The following MFF variants were observed in gnomAD, a reference collection of about 807,000 sequenced individuals.
The protein encoded by MFF is mitochondrial fission factor.
Under a neutral mutation model 36.9 loss-of-function variants are expected in MFF, and 12 were observed. The observed-to-expected ratio is 0.33, with a 90% CI of 0.21 to 0.53. MFF has a LOEUF of 0.53. MFF is among the 20% of genes least tolerant of loss of function. The probability of loss-of-function intolerance (pLI) is 0.95; values close to 1 mark genes in which losing one functional copy is unlikely to be tolerated. For synonymous variants in MFF, 99 were observed against 126.2 expected (o/e 0.78, Z 1.44); for missense variants, 348 against 366.6 (o/e 0.95, Z 0.42).
intron 5 of MFF, chr2:227,342,685 T>C: frequency 7.3e-7 from 1 of 1,361,506 alleles, no homozygotes; most frequent in Admixed American, 1.8e-5. Context: ...AAATCAGATC[T>C]AGCTTTTTCT....
At chr2:227,348,693 A>G (rs1574977509) in intron 6 of MFF, among the ~76,000 whole-genome samples, 1 of 152,178 alleles carries the variant, frequency 6.6e-6, no homozygotes, top group Non-Finnish European at 1.5e-5. Flanking sequence ...ACCCCACTAC[A>G]TAGCTGCATG....
chr2:227,348,548 C>A (rs1446110687), intron 6 of MFF, among the ~76,000 whole-genome samples: 4 of 151,956 alleles, frequency 2.6e-5, no homozygotes, highest in African/African-American at 9.7e-5. Context: ...TTGTTTTTCC[C>A]CAAGGGTTTA....
intron 5 of MFF, chr2:227,342,720 A>G: frequency 6.3e-7 from 1 of 1,585,398 alleles, no homozygotes; most frequent in Non-Finnish European, 8.6e-7. Context: ...CTGAATATGT[A>G]AAAGAAGCAT....
chr2:227,334,718 T>G (rs912827267), intron 4 of MFF, among the ~76,000 whole-genome samples: 1 of 152,170 alleles, frequency 6.6e-6, no homozygotes, highest in East Asian at 1.9e-4. Flanking sequence ...ACATTTGTGA[T>G]CTCTATCTAC....
intron 6 of MFF, among the ~76,000 whole-genome samples, 154 bp downstream of exon 6, chr2:227,347,538 G>A (rs1195441333): frequency 2.0e-5 from 3 of 152,062 alleles, no homozygotes; most frequent in Non-Finnish European, 4.4e-5. Context: ...CTTTTAATTT[G>A]AAATTATTGT....
At chr2:227,353,390 T>C (rs2076098417) in intron 7 of MFF, among the ~76,000 whole-genome samples, 1 of 152,222 alleles carries the variant, frequency 6.6e-6, no homozygotes, top group Admixed American at 6.5e-5. Flanking sequence ...GCATCGTTTC[T>C]GTGCTTAGAA....
intron 6 of MFF, 37 bp downstream of exon 6, chr2:227,347,421 C>A: frequency 6.2e-7 from 1 of 1,604,504 alleles, no homozygotes; most frequent in Non-Finnish European, 8.5e-7. Context: ...AGCTTTATTG[C>A]ATATTTTTTG....
At chr2:227,332,046 A>G (rs1488554634) in intron 3 of MFF, among the ~76,000 whole-genome samples, 5 of 126,878 alleles carry the variant, frequency 3.9e-5, no homozygotes, top group Non-Finnish European at 7.8e-5. Context: ...ATCTCGGCTC[A>G]CTGCAAGCTC....
intron 5 of MFF, among the ~76,000 whole-genome samples, chr2:227,342,404 G>GAAA (rs988082419): frequency 6.6e-6 from 1 of 151,952 alleles, no homozygotes; most frequent in Non-Finnish European, 1.5e-5. Flanking sequence ...ACGTAGTGAG[G>GAAA]AAAAAACAAT....
rs572787657 is a variant in MFF, at chr2:227,331,959, A to ATATTTTTTTT, written c.182-459_182-458insATTTTTTTTT. Among the ~76,000 whole-genome samples, 29 of 76,842 alleles carry ATATTTTTTTT rather than the reference A, an allele frequency of 3.8e-4. 6 individuals are homozygous for ATATTTTTTTT. Among genetic ancestry groups the ATATTTTTTTT allele is most frequent in the South Asian group, 1.0e-3 (2 of 1,984 alleles). 50.4% of individuals were successfully genotyped at this position (76,842 alleles called of 152,430 possible). ...AGTGAAATGTCAATACGCTGGAAGC[A>ATATTTTTTTT]TTTTTTTTTTTTTTTTTTTTTTTTT... On this transcript the variant is annotated intron_variant, in intron 3 of 8. Transcript: ENST00000304593.
Position 227,357,171 on chromosome 2 carries a change from T to C in MFF, c.*54T>C. 1 of 1,576,566 alleles carries C rather than the reference T, an allele frequency of 6.3e-7. No individual in the cohort carries two copies. Among genetic ancestry groups the C allele is most frequent in the Non-Finnish European group, 8.6e-7 (1 of 1,161,168 alleles). ...CTCAACAGCTGGAAATATAAAAGAT[T>C]TGCAAACTTCTTTGTTTCTGTCTCT... On this transcript the variant is annotated 3_prime_UTR_variant, in exon 9 of 9. Transcript: ENST00000304593.
At chr2:227,342,009 T>A (rs1432156429) in intron 5 of MFF, among the ~76,000 whole-genome samples, 1 of 152,170 alleles carries the variant, frequency 6.6e-6, no homozygotes, top group Admixed American at 6.5e-5. Flanking sequence ...ATGATATAGA[T>A]GTTTTTGTAT....
chr2:227,352,522 T>C lies in MFF; in HGVS notation c.608T>C (p.Leu203Ser). 1 of 1,613,854 alleles carries C rather than the reference T, an allele frequency of 6.2e-7. No homozygotes were observed. Among genetic ancestry groups the C allele is most frequent in the Non-Finnish European group, 8.5e-7 (1 of 1,179,794 alleles). ...GCAAAAACCTGCCTTAGACCTGTGTTGCGTGGTGGGTCTGCTGCCGCCACT... is the reference window on the plus strand; with the variant it reads ...GCAAAAACCTGCCTTAGACCTGTGTCGCGTGGTGGGTCTGCTGCCGCCACT... ...DVLDENRRPV[L>S]RGGSAAATSN... Residue 203 changes from leucine to serine, a missense_variant, in exon 7 of 9, where the codon TTG becomes TCG. By Grantham distance (145) the Leu-to-Ser change is moderately radical. Coordinates refer to ENST00000304593, the MANE Select transcript of MFF (RefSeq NM_001277062.2).
chr2:227,336,742 G>T (rs1238916282), intron 4 of MFF, among the ~76,000 whole-genome samples: 2 of 152,226 alleles, frequency 1.3e-5, no homozygotes, highest in Non-Finnish European at 2.9e-5. Flanking sequence ...CTTAGAATCT[G>T]AAGGATGACA....
intron 1 of MFF, among the ~76,000 whole-genome samples, chr2:227,327,907 C>T (rs1012779251): frequency 6.6e-6 from 1 of 152,194 alleles, no homozygotes; most frequent in African/African-American, 2.4e-5. Flanking sequence ...ATTAGAAGAG[C>T]ATCTCATCTG....
chr2:227,344,414 C>A (rs558962191), intron 5 of MFF, among the ~76,000 whole-genome samples: 26 of 152,284 alleles, frequency 1.7e-4, no homozygotes, highest in African/African-American at 5.3e-4. Context: ...TGGTTGGGTC[C>A]ATGAGTGGAC....
chr2:227,335,427 A>G (rs2074922485), intron 4 of MFF, among the ~76,000 whole-genome samples: 1 of 152,144 alleles, frequency 6.6e-6, no homozygotes, highest in Admixed American at 6.5e-5. Context: ...CCGGAATTAG[A>G]TAGTGGTAAT....
chr2:227,328,077 AAAATTTAAACAG>A (rs2074293194), intron 1 of MFF, among the ~76,000 whole-genome samples: 1 of 152,202 alleles, frequency 6.6e-6, no homozygotes, highest in Non-Finnish European at 1.5e-5. Flanking sequence ...TAAGTGAATG[AAAATTTAAACAG>A]GCCGGGCACG....
chr2:227,345,764 A>G (rs1334994346), intron 5 of MFF, among the ~76,000 whole-genome samples: 1 of 152,272 alleles, frequency 6.6e-6, no homozygotes, highest in East Asian at 1.9e-4. Flanking sequence ...GGATCAGTAG[A>G]TAATGTTGGC....
Sources: gnomAD v4.1 joint callset for allele counts (sites outside exome capture counted in the v4.1 genomes callset) on GRCh38, gnomAD v4.1.1 for gene constraint, MANE v1.5 for transcripts, NCBI Gene and HGNC (gene_info 2026-07-23, HGNC 2026-07-21) for gene names.